Variants in DCAF4 observed in about 807,000 individuals in gnomAD.
DCAF4 encodes the protein DDB1- and CUL4-associated factor 4.
Under a neutral mutation model 60.9 loss-of-function variants are expected in DCAF4, and 37 were observed. That is an observed-to-expected ratio of 0.61 (90% CI 0.47 to 0.80). The LOEUF is 0.80. DCAF4 is among the 30% of genes least tolerant of loss of function. DCAF4 has a pLI of 0.00. For missense variants in DCAF4, 577 were observed against 650.0 expected (o/e 0.89, Z 1.22); for synonymous variants, 243 against 254.8 (o/e 0.95, Z 0.44).
chr14:72,929,084 G>A (rs1227341759), intron 1 of DCAF4, among the ~76,000 whole-genome samples: 1 of 152,148 alleles, frequency 6.6e-6, no homozygotes, highest in African/African-American at 2.4e-5. Context: ...ACGGACGCCC[G>A]GGGCTGCTCC....
intron 12 of DCAF4, 88 bp from the exon 13 acceptor site, chr14:72,956,298 G>T: frequency 1.0e-6 from 1 of 978,366 alleles, no homozygotes; most frequent in Non-Finnish European, 1.5e-6. Context: ...GGCCACTGGA[G>T]ACCACCTTGC....
Position 72,946,699 on chromosome 14 carries a change from C to T in DCAF4, c.679-443C>T, listed in dbSNP as rs117834087. ...AGCCAGGCCGCAGCCAGCACTGAGG[C>T]TTAAACAAATAAGAGGAGCTTGCTG... is the stretch of plus-strand genomic sequence containing the variant. On this transcript the variant is annotated intron_variant, in intron 7 of 13. Coordinates refer to ENST00000358377, the MANE Select transcript of DCAF4 (RefSeq NM_015604.4). Among the ~76,000 whole-genome samples, 905 of 152,292 alleles carry T rather than the reference C, an allele frequency of 5.9e-3. 5 individuals are homozygous for T. Among genetic ancestry groups the T allele is most frequent in the Non-Finnish European group, 9.4e-3 (639 of 68,018 alleles).
Position 72,952,004 on chromosome 14 carries a change from G to A in DCAF4, c.808+127G>A, listed in dbSNP as rs996970041. The A allele has an allele frequency of 5.2e-6, 5 of 957,376 alleles. No individual in the cohort carries two copies. In the African/African-American group the frequency reaches 8.5e-5, roughly 16 times the overall value. 59.3% of individuals were successfully genotyped at this position (957,376 alleles called of 1,614,324 possible). ...GGAGGATTCCCTAAGCCTGTCCCAG[G>A]GTTAGTACCAGAAGCATGTGTTTTT... is the stretch of plus-strand genomic sequence containing the variant. On this transcript the variant is annotated intron_variant, in intron 9 of 13. Coordinates refer to ENST00000358377, the MANE Select transcript of DCAF4 (RefSeq NM_015604.4).
At chr14:72,933,459 T>C (rs1365059252) in intron 1 of DCAF4, among the ~76,000 whole-genome samples, 2 of 151,442 alleles carry the variant, frequency 1.3e-5, no homozygotes, top group Non-Finnish European at 2.9e-5. Flanking sequence ...TTCGGGAGGC[T>C]GAGGCAGAAG....
At chr14:72,927,912 C>A (rs1163123592) in intron 1 of DCAF4, among the ~76,000 whole-genome samples, 1 of 152,078 alleles carries the variant, frequency 6.6e-6, no homozygotes, top group Non-Finnish European at 1.5e-5. Context: ...CAGTGAACAA[C>A]TCCTAACTGC....
chr14:72,950,636 G>A (rs1454183652), intron 8 of DCAF4, among the ~76,000 whole-genome samples: 2 of 152,148 alleles, frequency 1.3e-5, no homozygotes, highest in Non-Finnish European at 2.9e-5. Flanking sequence ...AGGGTATAAA[G>A]GGGCAGGTCA....
chr14:72,933,686 T>C (rs544454052), intron 1 of DCAF4, among the ~76,000 whole-genome samples: 59 of 152,328 alleles, frequency 3.9e-4, no homozygotes, highest in African/African-American at 1.4e-3. Context: ...TTTCTCTCTG[T>C]ATTCTCAGAC....
At chr14:72,960,632 T>G, downstream of DCAF4, 1 of 1,061,904 alleles carries the variant, frequency 9.4e-7, no homozygotes, top group Non-Finnish European at 1.2e-6. Context: ...GGCTGGATAG[T>G]AGAATGCATC....
At chr14:72,946,165 T>C in intron 7 of DCAF4, 138 bp downstream of exon 7, 3 of 1,137,798 alleles carry the variant, frequency 2.6e-6, no homozygotes, top group Non-Finnish European at 3.7e-6. Context: ...ATTTTTTACT[T>C]GAGCCTAGGA....
intron 1 of DCAF4, among the ~76,000 whole-genome samples, chr14:72,927,461 C>T (rs939370821): frequency 1.3e-5 from 2 of 151,266 alleles, no homozygotes; most frequent in Admixed American, 6.6e-5. Context: ...ACGCCATTCT[C>T]CTGCCTCAGC....
At position 72,955,794 on chromosome 14, in the gene DCAF4, C is replaced by G. The variant is rs1212179168; in HGVS notation, c.1179+98C>G. On this transcript the variant is annotated intron_variant, in intron 12 of 13. Transcript: ENST00000358377. ...TGAAGAGGTCCTCACACCAAGACCC[C>G]AGGCAGGGGAATTTCGCTGAAGACC... The G allele has an allele frequency of 2.5e-6, 3 of 1,189,504 alleles. No homozygotes were observed. The African/African-American group carries it at 4.6e-5, about 18-fold the overall frequency. 73.7% of individuals were successfully genotyped at this position (1,189,504 alleles called of 1,614,324 possible). A position where few individuals can be genotyped will look rare whatever the true frequency, so the allele number is the denominator to read the frequency against.
chr14:72,928,003 G>A (rs956750779), intron 1 of DCAF4, among the ~76,000 whole-genome samples: 2 of 151,602 alleles, frequency 1.3e-5, no homozygotes, highest in Non-Finnish European at 2.9e-5. Context: ...GTCTCACTAT[G>A]TTGCCCAGGC....
At chr14:72,956,755 GT>G in intron 13 of DCAF4, 1 of 418,148 alleles carries the variant, frequency 2.4e-6, no homozygotes, top group South Asian at 2.1e-5. Context: ...AAACAGGCAG[GT>G]GGGGAGGTCC....
chr14:72,932,388 G>A (rs1599573932), intron 1 of DCAF4, among the ~76,000 whole-genome samples: 1 of 152,170 alleles, frequency 6.6e-6, no homozygotes, highest in Non-Finnish European at 1.5e-5. Flanking sequence ...AAATATCTTG[G>A]AATCATTTTT....
chr14:72,945,751 C>A (rs935215196), intron 6 of DCAF4, 133 bp from the exon 7 acceptor site: 1 of 1,218,940 alleles, frequency 8.2e-7, no homozygotes, highest in Non-Finnish European at 1.1e-6. Flanking sequence ...TCTCCACTCT[C>A]GCTCATGGAG....
At position 72,950,090 on chromosome 14, in the gene DCAF4, C is replaced by T. The variant is rs543929436; in HGVS notation, c.729-1708C>T. Among the ~76,000 whole-genome samples, 8 of 152,312 alleles carry T rather than the reference C, an allele frequency of 5.3e-5. No homozygotes were observed. In the East Asian group the frequency reaches 1.5e-3, roughly 29 times the overall value. On this transcript the variant is annotated intron_variant, in intron 8 of 13. Coordinates refer to ENST00000358377, the MANE Select transcript of DCAF4 (RefSeq NM_015604.4). Reference sequence around the variant, plus strand: ...TGATGTCTCTGGCTAGGGAGCAGGGCCTTTCAAGACTGAATGCTCGCTCAG... The same window carrying T: ...TGATGTCTCTGGCTAGGGAGCAGGGTCTTTCAAGACTGAATGCTCGCTCAG...
In DCAF4 at chr14:72,945,779, G is replaced by A. The variant is rs114799710; in HGVS notation, c.535-105G>A. The A allele has an allele frequency of 3.6e-4, 526 of 1,463,314 alleles. 3 individuals carry two copies. The African/African-American group carries it at 5.3e-3, about 15-fold the overall frequency. The allele number at this position is 1,463,314 out of a possible 1,614,324, so 90.6% of individuals were successfully genotyped here. ...TCATGGAGAGGAACTCTCACCTAGT[G>A]AAAATGCACAGAGCATGGGGGCCAG... On this transcript the variant is annotated intron_variant, in intron 6 of 13. Coordinates refer to ENST00000358377, the MANE Select transcript of DCAF4 (RefSeq NM_015604.4).
chr14:72,961,333 C>T (rs753902392), downstream of DCAF4, among the ~76,000 whole-genome samples: 12 of 152,204 alleles, frequency 7.9e-5, no homozygotes, highest in South Asian at 2.1e-4. Flanking sequence ...GTGTCCTGCT[C>T]ATTTTCCAGG....
chr14:72,942,042 G>C, intron 5 of DCAF4: 1 of 499,184 alleles, frequency 2.0e-6, no homozygotes, highest in Non-Finnish European at 3.5e-6. Context: ...CTTGCAGGAG[G>C]ATAGGGAGAG....
Sources: allele counts gnomAD v4.1 joint callset (sites outside exome capture counted in the v4.1 genomes callset), GRCh38; gene constraint gnomAD v4.1.1; transcripts MANE v1.5; gene names NCBI Gene and HGNC (gene_info 2026-07-23, HGNC 2026-07-21).